The following PDZD2 variants were observed in gnomAD, a reference collection of about 807,000 sequenced individuals.
PDZD2 encodes the protein PDZ domain containing 2, also known as PDZ domain-containing protein 2.
In PDZD2, 90 loss-of-function variants were observed where a neutral mutation model predicts 220.7. The observed-to-expected ratio is 0.41, with a 90% CI of 0.34 to 0.49. The LOEUF (loss-of-function observed/expected upper bound fraction) is 0.49. Among genes scored for constraint, PDZD2 ranks in the 20% least tolerant of loss-of-function variants. PDZD2 has a pLI of 0.28. For synonymous variants in PDZD2, 1,375 were observed against 1,450.5 expected, an observed-to-expected ratio of 0.95 and a Z score of 1.18; for missense variants, 3,174 against 3,608.5, an observed-to-expected ratio of 0.88 and a Z score of 3.08.
intron 2 of PDZD2, among the ~76,000 whole-genome samples, chr5:31,962,241 C>A (rs1748312037): frequency 6.6e-6 from 1 of 152,192 alleles, no homozygotes; most frequent in South Asian, 2.1e-4. Context: ...ATCTTAACTT[C>A]TCTTTCCTTT....
chr5:31,937,316 C>A (rs971495014), intron 2 of PDZD2, among the ~76,000 whole-genome samples: 1 of 152,066 alleles, frequency 6.6e-6, no homozygotes, highest in Non-Finnish European at 1.5e-5. Context: ...AGAAATGGTG[C>A]GTGTGGTCAG....
intron 2 of PDZD2, among the ~76,000 whole-genome samples, chr5:31,819,845 T>C (rs1429164205): frequency 6.6e-6 from 1 of 152,162 alleles, no homozygotes; most frequent in African/African-American, 2.4e-5. Context: ...AGTGACAATA[T>C]ACAAAAGTGC....
chr5:32,077,818 G>A (rs1320439675), intron 19 of PDZD2: 16 of 457,808 alleles, frequency 3.5e-5, no homozygotes, highest in East Asian at 4.6e-5. Context: ...TTAGCCGGGC[G>A]TGGTGGTGCG....
chr5:31,776,620 T>TTCTTA (rs1752670068), intron 1 of PDZD2, among the ~76,000 whole-genome samples: 1 of 146,812 alleles, frequency 6.8e-6, no homozygotes, highest in African/African-American at 2.6e-5. Context: ...CTGGCCTTAT[T>TTCTTA]TTTTATTTTA....
At chr5:31,886,651 A>T (rs1159295101) in intron 2 of PDZD2, among the ~76,000 whole-genome samples, 6 of 71,202 alleles carry the variant, frequency 8.4e-5, no homozygotes, top group African/African-American at 3.2e-4. Flanking sequence ...TGTTACAGGT[A>T]GAGCCCAGAG....
chr5:31,786,030 T>G (rs1753360451), intron 1 of PDZD2, among the ~76,000 whole-genome samples: 1 of 152,194 alleles, frequency 6.6e-6, no homozygotes, highest in Non-Finnish European at 1.5e-5. Flanking sequence ...TCTGAGTTCC[T>G]GACTGAAAGA....
chr5:31,677,364 C>G lies in PDZD2; in HGVS notation c.-361+37927C>G, dbSNP rs1446770013. ...GGGCGCAGTGGCTCACGCCTGTAATCCCGGCACTTTGGGAGGCCGAGGCGG... is the reference window on the plus strand; with the variant it reads ...GGGCGCAGTGGCTCACGCCTGTAATGCCGGCACTTTGGGAGGCCGAGGCGG... On this transcript the variant is annotated intron_variant, in intron 1 of 24. Coordinates refer to ENST00000438447, the MANE Select transcript of PDZD2 (RefSeq NM_178140.4). Among the ~76,000 whole-genome samples, 4 of 2,096 alleles carry G rather than the reference C, an allele frequency of 1.9e-3. 2 individuals are homozygous for G. The highest frequency in any genetic ancestry group is 2.4e-3 in the African/African-American group (4 of 1,658). The allele number at this position is 2,096 out of a possible 152,430, so 1.4% of individuals were successfully genotyped here.
At chr5:31,993,277 A>G (rs2111951559) in intron 3 of PDZD2, among the ~76,000 whole-genome samples, 1 of 152,346 alleles carries the variant, frequency 6.6e-6, no homozygotes, top group Non-Finnish European at 1.5e-5. Context: ...TTCTGAAGTT[A>G]CATTTGGCCA....
At chr5:32,009,329 C>T (rs969066252) in intron 5 of PDZD2, among the ~76,000 whole-genome samples, 6 of 133,018 alleles carry the variant, frequency 4.5e-5, no homozygotes, top group Non-Finnish European at 9.4e-5. Flanking sequence ...GGCAACAGAG[C>T]GAGACTCTTG....
intron 2 of PDZD2, among the ~76,000 whole-genome samples, chr5:31,944,395 G>C (rs990357894): frequency 6.6e-6 from 1 of 152,160 alleles, no homozygotes; most frequent in Non-Finnish European, 1.5e-5. Context: ...GGCCTGGAGT[G>C]GGGCCTGAGA....
rs762774846 is a variant in PDZD2, at chr5:32,088,284, G to A, written c.4836G>A (p.Ser1612=). Residue 1612 remains serine, a synonymous_variant, in exon 20 of 25, where the codon TCG becomes TCA. Transcript: ENST00000438447. The surrounding 1 kb of genome is among the most constrained non-coding windows in gnomAD (Gnocchi z 4.6). ...CSTRGCPNPP[S]SPAHLPTQAA... ...CACGTGGCTGCCCCAATCCACCCTC[G>A]AGTCCTGCTCATCTTCCCACCCAGG... is the stretch of plus-strand genomic sequence containing the variant. The A allele has an allele frequency of 7.4e-6, 12 of 1,614,046 alleles. No individual in the cohort carries two copies. The highest frequency in any genetic ancestry group is 2.2e-5 in the East Asian group (1 of 44,862).
chr5:31,840,965 T>G, intron 2 of PDZD2: 1 of 451,288 alleles, frequency 2.2e-6, no homozygotes, highest in South Asian at 4.7e-5. Context: ...CTCTTTGTGT[T>G]TCTCATTTTG....
intron 1 of PDZD2, among the ~76,000 whole-genome samples, chr5:31,696,826 T>G (rs1747399161): frequency 6.6e-6 from 1 of 152,164 alleles, no homozygotes; most frequent in Non-Finnish European, 1.5e-5. Flanking sequence ...AGGGACAGCT[T>G]TAGGTACGCT....
At chr5:31,858,704 C>T (rs972123284) in intron 2 of PDZD2, among the ~76,000 whole-genome samples, 13 of 151,690 alleles carry the variant, frequency 8.6e-5, no homozygotes, top group African/African-American at 3.2e-4. Context: ...TTCCTTCATC[C>T]CTCCCTCCCT....
chr5:31,792,282 A>G (rs1753772941), intron 1 of PDZD2, among the ~76,000 whole-genome samples: 1 of 152,234 alleles, frequency 6.6e-6, no homozygotes, highest in African/African-American at 2.4e-5. Context: ...GGTCATCAGA[A>G]GCAGGCAGGC....
chr5:31,709,032 C>T (rs945090605), intron 1 of PDZD2, among the ~76,000 whole-genome samples: 2 of 151,876 alleles, frequency 1.3e-5, no homozygotes, highest in African/African-American at 2.4e-5. Flanking sequence ...GGATTACAGG[C>T]ACGCACCACC....
intron 1 of PDZD2, among the ~76,000 whole-genome samples, chr5:31,677,832 G>A (rs74694536): frequency 0.062 from 9,477 of 152,036 alleles, 344 homozygotes; most frequent in South Asian, 0.12. Flanking sequence ...ATCTTTAGGG[G>A]TAGAAAGCAG....
At chr5:31,934,853 G>A (rs1427524015) in intron 2 of PDZD2, among the ~76,000 whole-genome samples, 6 of 152,056 alleles carry the variant, frequency 3.9e-5, no homozygotes, top group Admixed American at 2.0e-4. Context: ...TTGGGAGGCC[G>A]AGATGGGCAG....
At chr5:32,030,437 G>C (rs949414729) in intron 6 of PDZD2, among the ~76,000 whole-genome samples, 1 of 152,100 alleles carries the variant, frequency 6.6e-6, no homozygotes, top group African/African-American at 2.4e-5. Context: ...ACATATTTTG[G>C]GGCAGTAATT....
Sources: allele counts gnomAD v4.1 joint callset (sites outside exome capture counted in the v4.1 genomes callset), GRCh38; gene constraint gnomAD v4.1.1; non-coding constraint Gnocchi (gnomAD v3.1); transcripts MANE v1.5; gene names NCBI Gene and HGNC (gene_info 2026-07-23, HGNC 2026-07-21).